The following TBC1D19 variants were observed in gnomAD, a reference collection of about 807,000 sequenced individuals.
TBC1D19 encodes TBC1 domain family member 19.
TBC1D19 carries 60 observed loss-of-function variants against 89.0 expected under a neutral mutation model. That is an observed-to-expected ratio of 0.67 (90% CI 0.55 to 0.84). The LOEUF (loss-of-function observed/expected upper bound fraction) is 0.84. Among genes scored for constraint, TBC1D19 ranks in the 40% least tolerant of loss-of-function variants. TBC1D19 has a pLI of 0.00. For synonymous variants in TBC1D19, 189 were observed against 199.7 expected (o/e 0.95, Z 0.45); for missense variants, 500 against 610.8 (o/e 0.82, Z 1.91).
intron 20 of TBC1D19, among the ~76,000 whole-genome samples, chr4:26,754,403 T>G (rs962740673): frequency 2.6e-5 from 4 of 152,206 alleles, no homozygotes; most frequent in Non-Finnish European, 4.4e-5. Flanking sequence ...TTCTATTTGT[T>G]ATCTTTCACA....
intron 7 of TBC1D19, among the ~76,000 whole-genome samples, chr4:26,657,240 C>G (rs1257859983): frequency 6.6e-6 from 1 of 151,924 alleles, no homozygotes; most frequent in African/African-American, 2.4e-5. Context: ...CCCCTTGCCT[C>G]TGACCCCCTG....
chr4:26,723,623 C>T (rs1388504820), intron 15 of TBC1D19, among the ~76,000 whole-genome samples: 1 of 152,216 alleles, frequency 6.6e-6, no homozygotes, highest in Non-Finnish European at 1.5e-5. Context: ...CAGATTTCCT[C>T]TAGTAGATTC....
downstream of TBC1D19, among the ~76,000 whole-genome samples, chr4:26,759,189 A>G (rs906462468): frequency 6.6e-6 from 1 of 152,200 alleles, no homozygotes; most frequent in African/African-American, 2.4e-5. Flanking sequence ...CACTCCCACT[A>G]GACTGTGACT....
downstream of TBC1D19, among the ~76,000 whole-genome samples, chr4:26,756,615 G>A (rs1719271881): frequency 6.6e-6 from 1 of 152,118 alleles, no homozygotes; most frequent in East Asian, 1.9e-4. Context: ...GGTAGGTAAG[G>A]ACCTGTAGGA....
chr4:26,850,114 T>C, the TBC1D19 span, among the ~76,000 whole-genome samples: 2,549 of 152,144 alleles, frequency 0.017, 71 homozygotes, highest in African/African-American at 0.059. Context: ...CCCAAATTCA[T>C]ATGTTGAAGT....
At chr4:26,695,492 T>G (rs756950398) in intron 13 of TBC1D19, among the ~76,000 whole-genome samples, 1 of 151,850 alleles carries the variant, frequency 6.6e-6, no homozygotes, top group Admixed American at 6.6e-5. Context: ...ACATTCAAAT[T>G]AAGGAAATAC....
chr4:26,658,568 G>A (rs897391734), intron 7 of TBC1D19, among the ~76,000 whole-genome samples: 7 of 152,062 alleles, frequency 4.6e-5, no homozygotes, highest in African/African-American at 1.4e-4. Flanking sequence ...TTGACTATGC[G>A]GGCTCTTTTT....
chr4:26,638,121 A>G (rs1320645017), intron 5 of TBC1D19, among the ~76,000 whole-genome samples: 41 of 149,462 alleles, frequency 2.7e-4, no homozygotes, highest in African/African-American at 9.8e-4. Flanking sequence ...AAAAGATGAG[A>G]AAGAAAAGAA....
chr4:26,684,972 C>T (rs901800459), intron 12 of TBC1D19, among the ~76,000 whole-genome samples: 8 of 152,148 alleles, frequency 5.3e-5, no homozygotes, highest in Admixed American at 6.5e-5. Flanking sequence ...TGTAAAACCA[C>T]GCTTTGAAAA....
At chr4:26,659,511 G>A (rs1007350714) in intron 7 of TBC1D19, 86 bp from the exon 8 acceptor site, 2 of 739,802 alleles carry the variant, frequency 2.7e-6, no homozygotes, top group Admixed American at 2.3e-5. Context: ...ATTTTGTGGT[G>A]ATACACTAAG....
At chr4:26,856,448 A>G in the TBC1D19 span, among the ~76,000 whole-genome samples, 2 of 152,338 alleles carry the variant, frequency 1.3e-5, no homozygotes, top group South Asian at 4.1e-4. Context: ...GAGAGTGCAG[A>G]TATCTCATTG....
At chr4:26,736,376 A>G (rs1718045347) in intron 16 of TBC1D19, among the ~76,000 whole-genome samples, 1 of 139,578 alleles carries the variant, frequency 7.2e-6, no homozygotes, top group Admixed American at 7.3e-5. Context: ...GGGGAACATC[A>G]CACTCTGGGG....
At chr4:26,697,208 A>G (rs551809780) in intron 13 of TBC1D19, among the ~76,000 whole-genome samples, 2 of 152,328 alleles carry the variant, frequency 1.3e-5, no homozygotes, top group East Asian at 1.9e-4. Flanking sequence ...ACAAACTACC[A>G]TCAGAGAATA....
intron 4 of TBC1D19, among the ~76,000 whole-genome samples, chr4:26,635,621 C>T (rs1743074604): frequency 1.3e-5 from 2 of 151,960 alleles, no homozygotes; most frequent in South Asian, 2.1e-4. Context: ...ACTGCTTGGG[C>T]CATTGCATTA....
chr4:26,763,764 A>C, the TBC1D19 span, among the ~76,000 whole-genome samples: 1 of 152,234 alleles, frequency 6.6e-6, no homozygotes, highest in Non-Finnish European at 1.5e-5. Flanking sequence ...AAATACATAA[A>C]AGTATCTTGA....
chr4:26,577,284 T>TGTGTGTGTGTGTGTGTGC (rs1560390813), intron 1 of TBC1D19, among the ~76,000 whole-genome samples: 5 of 149,322 alleles, frequency 3.3e-5, no homozygotes, highest in African/African-American at 7.4e-5. Context: ...TTCTCTCTCG[T>TGTGTGTGTGTGTGTGTGC]GTGTGTGTGT....
intron 1 of TBC1D19, among the ~76,000 whole-genome samples, chr4:26,604,805 C>T (rs1331608136): frequency 2.6e-5 from 4 of 151,748 alleles, no homozygotes; most frequent in African/African-American, 4.8e-5. Flanking sequence ...GGCGTGAACC[C>T]GGGAGGCGGA....
At chr4:26,854,296 T>C in the TBC1D19 span, among the ~76,000 whole-genome samples, 2 of 151,896 alleles carry the variant, frequency 1.3e-5, no homozygotes, top group African/African-American at 4.8e-5. Flanking sequence ...GGCTGTGAGC[T>C]CCTTGGATTC....
At chr4:26,853,802 T>A in the TBC1D19 span, among the ~76,000 whole-genome samples, 1 of 152,240 alleles carries the variant, frequency 6.6e-6, no homozygotes, top group African/African-American at 2.4e-5. Context: ...CCCAAAGTGC[T>A]GGAATTACAG....
Sources: gnomAD v4.1 joint callset for allele counts (sites outside exome capture counted in the v4.1 genomes callset) on GRCh38, gnomAD v4.1.1 for gene constraint, MANE v1.5 for transcripts, NCBI Gene and HGNC (gene_info 2026-07-23, HGNC 2026-07-21) for gene names.